SPIDR: variants seen among roughly 807,000 people sequenced by gnomAD.
SPIDR encodes scaffold protein involved in DNA repair, also known as DNA repair-scaffolding protein.
In SPIDR, 93 loss-of-function variants were observed where a neutral mutation model predicts 104.6. That is an observed-to-expected ratio of 0.89 (90% CI 0.75 to 1.06). The LOEUF is 1.06. Ranked by LOEUF, SPIDR falls within the 50% of genes least tolerant of loss-of-function variation. The pLI is 0.00. For missense variants in SPIDR, 1,154 were observed against 1,111.2 expected, an observed-to-expected ratio of 1.04 and a Z score of -0.55; for synonymous variants, 431 against 416.9, an observed-to-expected ratio of 1.03 and a Z score of -0.41.
chr8:47,515,023 TC>T (rs1424375184), intron 8 of SPIDR, among the ~76,000 whole-genome samples: 2 of 152,174 alleles, frequency 1.3e-5, no homozygotes, highest in African/African-American at 2.4e-5. Context: ...TCTTTAAAGT[TC>T]AGCAAAAGGA....
intron 8 of SPIDR, among the ~76,000 whole-genome samples, chr8:47,550,123 G>A (rs951531877): frequency 3.9e-5 from 6 of 152,024 alleles, no homozygotes; most frequent in African/African-American, 7.2e-5. Flanking sequence ...CCATTGGTCT[G>A]TATCTCTGTT....
chr8:47,620,324 G>A (rs941133065), intron 10 of SPIDR, among the ~76,000 whole-genome samples: 2 of 147,198 alleles, frequency 1.4e-5, no homozygotes, highest in African/African-American at 5.1e-5. Context: ...ACCGAGGCTG[G>A]AGTGCAGTGG....
At chr8:47,701,582 A>T in intron 12 of SPIDR, 139 bp from the exon 13 acceptor site, 1 of 776,378 alleles carries the variant, frequency 1.3e-6, no homozygotes, top group South Asian at 1.8e-5. Flanking sequence ...AATGCAATCC[A>T]TTCCTTGTAT....
At chr8:47,647,375 G>A (rs562404669) in intron 10 of SPIDR, among the ~76,000 whole-genome samples, 2 of 152,288 alleles carry the variant, frequency 1.3e-5, no homozygotes, top group Admixed American at 1.3e-4. Context: ...AGCACTTTGG[G>A]AGGCCGAGGT....
At chr8:47,331,691 T>C (rs2048691628) in intron 5 of SPIDR, among the ~76,000 whole-genome samples, 1 of 152,114 alleles carries the variant, frequency 6.6e-6, no homozygotes, top group Non-Finnish European at 1.5e-5. Flanking sequence ...AAACTTATTT[T>C]TAAAAATTTT....
chr8:47,268,600 T>C (rs2034584337), intron 1 of SPIDR, among the ~76,000 whole-genome samples: 1 of 152,174 alleles, frequency 6.6e-6, no homozygotes, highest in Non-Finnish European at 1.5e-5. Flanking sequence ...TACTGGCACA[T>C]GCTGCTGCAC....
intron 5 of SPIDR, among the ~76,000 whole-genome samples, chr8:47,322,387 G>C (rs1020661907): frequency 8.5e-5 from 13 of 152,306 alleles, no homozygotes; most frequent in African/African-American, 2.6e-4. Flanking sequence ...ACCACAATGA[G>C]ATACCATCTC....
At chr8:47,594,196 C>CAAAA (rs372928071) in intron 8 of SPIDR, among the ~76,000 whole-genome samples, 7 of 53,580 alleles carry the variant, frequency 1.3e-4, no homozygotes, top group South Asian at 1.2e-3. Context: ...CCAGTCTCTA[C>CAAAA]AAAAAAAAAA....
intron 19 of SPIDR, among the ~76,000 whole-genome samples, chr8:47,733,343 C>T (rs1159735687): frequency 6.6e-6 from 1 of 152,196 alleles, no homozygotes; most frequent in African/African-American, 2.4e-5. Flanking sequence ...GCCAAGCTCA[C>T]ACCACTCCAT....
chr8:47,710,674 G>A (rs947980614), intron 14 of SPIDR, among the ~76,000 whole-genome samples: 2 of 152,054 alleles, frequency 1.3e-5, no homozygotes, highest in Admixed American at 1.3e-4. Flanking sequence ...CTCCATGTTG[G>A]TCAGGCTGGT....
At chr8:47,342,042 A>G (rs951193283) in intron 5 of SPIDR, among the ~76,000 whole-genome samples, 2 of 152,184 alleles carry the variant, frequency 1.3e-5, no homozygotes, top group Non-Finnish European at 2.9e-5. Flanking sequence ...CTCGAAAAAG[A>G]TATTTTATGT....
At chr8:47,696,628 A>C (rs2079371368) in intron 11 of SPIDR, among the ~76,000 whole-genome samples, 1 of 152,222 alleles carries the variant, frequency 6.6e-6, no homozygotes, top group African/African-American at 2.4e-5. Flanking sequence ...GAAGGCACTT[A>C]TCACAGATGG....
chr8:47,311,812 G>A (rs960980463), intron 5 of SPIDR, among the ~76,000 whole-genome samples: 7 of 151,922 alleles, frequency 4.6e-5, no homozygotes, highest in African/African-American at 1.7e-4. Context: ...TTGGTGTGCT[G>A]CACCCATTAA....
At chr8:47,270,864 T>G (rs2035167938) in intron 1 of SPIDR, among the ~76,000 whole-genome samples, 1 of 152,168 alleles carries the variant, frequency 6.6e-6, no homozygotes, top group Admixed American at 6.5e-5. Flanking sequence ...CTTGTGAATT[T>G]TCATTTTATT....
chr8:47,352,141 A>G (rs2053617607), intron 5 of SPIDR, among the ~76,000 whole-genome samples: 1 of 151,848 alleles, frequency 6.6e-6, no homozygotes, highest in African/African-American at 2.4e-5. Flanking sequence ...TCCGGGCGTG[A>G]TGGTGCGTGC....
intron 12 of SPIDR, 58 bp from the exon 13 acceptor site, chr8:47,701,663 C>A: frequency 6.6e-7 from 1 of 1,526,494 alleles, no homozygotes. Flanking sequence ...AATAATATCT[C>A]CTCTTTTTGA....
chr8:47,389,688 CAAAAA>C (rs11295388), intron 5 of SPIDR, among the ~76,000 whole-genome samples: 53 of 62,020 alleles, frequency 8.5e-4, no homozygotes, highest in Admixed American at 5.8e-3. Flanking sequence ...GACTCCATCT[CAAAAA>C]AAAAAAAAAA....
chr8:47,536,939 C>G (rs1378999404), intron 8 of SPIDR, among the ~76,000 whole-genome samples: 2 of 152,106 alleles, frequency 1.3e-5, no homozygotes, highest in African/African-American at 4.8e-5. Flanking sequence ...AGGAGATGTA[C>G]AGATGGCAGA....
chr8:47,560,948 C>G (rs1478743591), intron 8 of SPIDR, among the ~76,000 whole-genome samples: 1 of 152,160 alleles, frequency 6.6e-6, no homozygotes, highest in East Asian at 1.9e-4. Context: ...CTGGGTGTAG[C>G]GTTAGATTAC....
Sources: allele counts gnomAD v4.1 joint callset (sites outside exome capture counted in the v4.1 genomes callset), GRCh38; gene constraint gnomAD v4.1.1; transcripts MANE v1.5; gene names NCBI Gene and HGNC (gene_info 2026-07-23, HGNC 2026-07-21).